Variants in INPP5B observed in about 807,000 individuals in gnomAD.
INPP5B encodes the protein inositol polyphosphate-5-phosphatase B.
Under a neutral mutation model 118.5 loss-of-function variants are expected in INPP5B, and 90 were observed. The observed-to-expected ratio is 0.76, with a 90% confidence interval of 0.64 to 0.90. The LOEUF is 0.90. INPP5B is among the 40% of genes least tolerant of loss of function. The pLI is 0.00. For synonymous variants in INPP5B, 385 were observed against 418.9 expected (o/e 0.92, Z 0.99); for missense variants, 984 against 1,125.6 (o/e 0.87, Z 1.80).
chr1:37,890,476 A>G (rs911699462), intron 8 of INPP5B, among the ~76,000 whole-genome samples: 2 of 152,210 alleles, frequency 1.3e-5, no homozygotes, highest in Non-Finnish European at 2.9e-5. Context: ...ATATTTTATT[A>G]TTATTTGCAT....
rs148602335 is a variant in INPP5B at position 37,914,568 on chromosome 1, C to T, written c.532+17345G>A. Reference sequence around the variant, plus strand: ...TTCACACACTGCCTATTCACTCCACCCCTGATCCTGGGTATATCTTTCCAT... The same window carrying T: ...TTCACACACTGCCTATTCACTCCACTCCTGATCCTGGGTATATCTTTCCAT... On this transcript the variant is annotated intron_variant, in intron 7 of 23. Transcript: ENST00000373024. Among the ~76,000 whole-genome samples, 227 of 152,292 alleles carry T rather than the reference C, an allele frequency of 1.5e-3. 2 individuals carry two copies. The highest frequency in any genetic ancestry group is 5.1e-3 in the African/African-American group (212 of 41,564).
At chr1:37,934,026 C>T (rs954117489) in intron 6 of INPP5B, among the ~76,000 whole-genome samples, 1 of 151,700 alleles carries the variant, frequency 6.6e-6, no homozygotes, top group Admixed American at 6.6e-5. Flanking sequence ...CTCCGCCTCC[C>T]GGGTTCAAAT....
intron 7 of INPP5B, among the ~76,000 whole-genome samples, chr1:37,896,563 T>G (rs1244670589): frequency 7.7e-6 from 1 of 129,462 alleles, no homozygotes; most frequent in African/African-American, 3.0e-5. Flanking sequence ...GAGGAGCCCC[T>G]CTGCCCGGCC....
At chr1:37,928,198 A>T (rs1358819871) in intron 7 of INPP5B, among the ~76,000 whole-genome samples, 1 of 151,698 alleles carries the variant, frequency 6.6e-6, no homozygotes, top group African/African-American at 2.4e-5. Context: ...GAGGGGACAG[A>T]GTCTTGCTCT....
At position 37,888,574 on chromosome 1, in the gene INPP5B, G is replaced by A. The variant is rs4652970; in HGVS notation, c.798-230C>T. ...ACTTCAAATAGTATAGGCCTACTCCGAACATTCCCACTTCCTTTAAACAGC... is the reference window on the plus strand; with the variant it reads ...ACTTCAAATAGTATAGGCCTACTCCAAACATTCCCACTTCCTTTAAACAGC... On this transcript the variant is annotated intron_variant, in intron 9 of 23. Coordinates refer to ENST00000373024, the MANE Select transcript of INPP5B (RefSeq NM_005540.3). Among the ~76,000 whole-genome samples the A allele has an allele frequency of 0.26, 39,527 of 152,020 alleles. 5,331 individuals carry two copies. Among genetic ancestry groups the A allele is most frequent in the Non-Finnish European group, 0.28 (19,202 of 67,972 alleles).
At chr1:37,881,998 T>C (rs987539734) in intron 14 of INPP5B, among the ~76,000 whole-genome samples, 16 of 147,684 alleles carry the variant, frequency 1.1e-4, no homozygotes, top group African/African-American at 3.7e-4. Flanking sequence ...ACTTGGGAGG[T>C]TGAGGCAGGA....
chr1:37,934,752 T>C (rs1343062621), intron 6 of INPP5B, among the ~76,000 whole-genome samples: 1 of 152,050 alleles, frequency 6.6e-6, no homozygotes, highest in Non-Finnish European at 1.5e-5. Flanking sequence ...GGATGACAGG[T>C]AAGGGGACTG....
intron 7 of INPP5B, among the ~76,000 whole-genome samples, chr1:37,897,668 T>A (rs1644171620): frequency 6.6e-6 from 1 of 151,268 alleles, no homozygotes; most frequent in Admixed American, 6.6e-5. Flanking sequence ...TGACCTTCCC[T>A]CCACTATTGT....
chr1:37,922,131 G>A (rs1464557304), intron 7 of INPP5B, among the ~76,000 whole-genome samples: 1 of 152,210 alleles, frequency 6.6e-6, no homozygotes, highest in East Asian at 1.9e-4. Context: ...GAACATGGGA[G>A]GTGAAGGTTG....
intron 9 of INPP5B, among the ~76,000 whole-genome samples, chr1:37,888,972 G>C (rs192423398): frequency 6.6e-6 from 1 of 152,326 alleles, no homozygotes; most frequent in East Asian, 1.9e-4. Flanking sequence ...GAATCAAGAG[G>C]CCAGGTGTGG....
chr1:37,883,064 C>T, intron 13 of INPP5B, 146 bp from the exon 14 acceptor site: 1 of 1,436,506 alleles, frequency 7.0e-7, no homozygotes, highest in Non-Finnish European at 9.1e-7. Flanking sequence ...ATTTTTTTCT[C>T]TCGCCATCCC....
intron 6 of INPP5B, among the ~76,000 whole-genome samples, chr1:37,932,363 C>CTTTTTTT (rs58150703): frequency 2.5e-4 from 22 of 87,782 alleles, no homozygotes; most frequent in African/African-American, 4.3e-4. Flanking sequence ...CTTTTCTTTT[C>CTTTTTTT]TTTTTTTTTT....
chr1:37,904,413 A>T (rs1013775423), intron 7 of INPP5B, among the ~76,000 whole-genome samples: 1 of 152,234 alleles, frequency 6.6e-6, no homozygotes, highest in Non-Finnish European at 1.5e-5. Flanking sequence ...TAAGTTAAAT[A>T]GAATAAAACT....
chr1:37,932,835 G>A (rs1645541376), intron 6 of INPP5B, among the ~76,000 whole-genome samples: 1 of 152,128 alleles, frequency 6.6e-6, no homozygotes, highest in Non-Finnish European at 1.5e-5. Flanking sequence ...AACACACGCC[G>A]TAAGTAAGCA....
At chr1:37,868,312 CAA>C (rs35639791) in intron 20 of INPP5B, among the ~76,000 whole-genome samples, 187 bp downstream of exon 20, 7 of 83,018 alleles carry the variant, frequency 8.4e-5, no homozygotes, top group Admixed American at 1.3e-4. Context: ...AACTCTGTCT[CAA>C]AAAAAAAAAA....
At chr1:37,869,128 G>C (rs931784676) in intron 19 of INPP5B, among the ~76,000 whole-genome samples, 2 of 152,104 alleles carry the variant, frequency 1.3e-5, no homozygotes, top group African/African-American at 4.8e-5. Flanking sequence ...TAGTAGCTGG[G>C]ATTACAGGCG....
At chr1:37,928,626 C>G (rs552010270) in intron 7 of INPP5B, 1 of 152,292 alleles carries the variant, frequency 6.6e-6, no homozygotes, top group African/African-American at 2.4e-5. Context: ...TCCCAAAGTG[C>G]TGGGATTACA....
chr1:37,881,456 G>A (rs1038280241), intron 14 of INPP5B, among the ~76,000 whole-genome samples: 3 of 152,152 alleles, frequency 2.0e-5, no homozygotes, highest in African/African-American at 7.2e-5. Context: ...GGCACTACAC[G>A]GACTGGTGAA....
chr1:37,944,658 T>A (rs182328987), intron 3 of INPP5B, among the ~76,000 whole-genome samples: 14 of 151,864 alleles, frequency 9.2e-5, no homozygotes, highest in Non-Finnish European at 1.6e-4. Flanking sequence ...CGTAGTTCAC[T>A]GTAATCTCAA....
Sources: allele counts gnomAD v4.1 joint callset (sites outside exome capture counted in the v4.1 genomes callset), GRCh38; gene constraint gnomAD v4.1.1; transcripts MANE v1.5; gene names NCBI Gene and HGNC (gene_info 2026-07-23, HGNC 2026-07-21).